Variants in MED27 observed in about 807,000 individuals in gnomAD.
The protein encoded by MED27 is mediator complex subunit 27.
In MED27, 30 loss-of-function variants were observed where a neutral mutation model predicts 38.2. The ratio of observed to expected loss-of-function variants is 0.79; its 90% CI spans 0.59 to 1.07. The LOEUF (loss-of-function observed/expected upper bound fraction) is 1.07. MED27 is among the 50% of genes least tolerant of loss of function. MED27 has a pLI of 0.00. For missense variants in MED27, 289 were observed against 397.5 expected (o/e 0.73, Z 2.32); for synonymous variants, 122 against 153.5 (o/e 0.79, Z 1.52).
chr9:132,036,994 G>A (rs2131112252), intron 2 of MED27, among the ~76,000 whole-genome samples: 1 of 152,262 alleles, frequency 6.6e-6, no homozygotes, highest in Non-Finnish European at 1.5e-5. Context: ...GCAACGGAGA[G>A]AAAGACAGAC....
chr9:131,886,437 C>G (rs983385358), intron 5 of MED27, among the ~76,000 whole-genome samples: 2 of 152,126 alleles, frequency 1.3e-5, no homozygotes, highest in African/African-American at 4.8e-5. Context: ...CTCCCTACCC[C>G]CACTGCCTGC....
At chr9:131,959,828 T>G (rs1831177851) in intron 3 of MED27, among the ~76,000 whole-genome samples, 1 of 152,126 alleles carries the variant, frequency 6.6e-6, no homozygotes, top group South Asian at 2.1e-4. Context: ...GCAGAACAAT[T>G]CCAAGTACCA....
chr9:132,050,651 G>C (rs75950974), intron 2 of MED27, among the ~76,000 whole-genome samples: 4,288 of 152,266 alleles, frequency 0.028, 209 homozygotes, highest in African/African-American at 0.098. Flanking sequence ...AGACTCCAAG[G>C]CTGGACTTGC....
intron 2 of MED27, among the ~76,000 whole-genome samples, chr9:132,068,016 T>C (rs951063257): frequency 6.6e-6 from 1 of 152,172 alleles, no homozygotes; most frequent in Non-Finnish European, 1.5e-5. Flanking sequence ...CTCACTTTTG[T>C]GCATATTTGA....
At chr9:132,043,227 A>G (rs1280908615) in intron 2 of MED27, among the ~76,000 whole-genome samples, 1 of 152,094 alleles carries the variant, frequency 6.6e-6, no homozygotes, top group Non-Finnish European at 1.5e-5. Flanking sequence ...TAGAAGTCCA[A>G]GATTTGGGTG....
chr9:132,063,166 G>A (rs1413767519), intron 2 of MED27, among the ~76,000 whole-genome samples: 17 of 152,176 alleles, frequency 1.1e-4, no homozygotes, highest in Admixed American at 5.9e-4. Context: ...TCCAGAGCAC[G>A]CCAGGCTGCA....
intron 3 of MED27, among the ~76,000 whole-genome samples, chr9:131,986,398 G>T (rs1831850870): frequency 6.6e-6 from 1 of 152,146 alleles, no homozygotes; most frequent in South Asian, 2.1e-4. Context: ...GCCCAGGCTG[G>T]TTTTGAATTC....
chr9:131,923,516 A>T (rs1186797212), intron 4 of MED27, among the ~76,000 whole-genome samples: 1 of 152,190 alleles, frequency 6.6e-6, no homozygotes, highest in Non-Finnish European at 1.5e-5. Flanking sequence ...TCCCTCTCCT[A>T]TCCCCTAAGG....
chr9:132,018,924 A>G (rs1258440805), intron 2 of MED27, among the ~76,000 whole-genome samples: 2 of 151,814 alleles, frequency 1.3e-5, no homozygotes, highest in Admixed American at 6.6e-5. Flanking sequence ...TTTTTTTTAA[A>G]TCACTTTGCA....
chr9:131,920,792 G>T (rs940812615), intron 4 of MED27, among the ~76,000 whole-genome samples: 17 of 152,208 alleles, frequency 1.1e-4, no homozygotes, highest in African/African-American at 3.9e-4. Flanking sequence ...TGGGGGAGAG[G>T]GGGTGGAGTC....
intron 3 of MED27, among the ~76,000 whole-genome samples, chr9:131,987,876 T>C (rs1217033731): frequency 6.6e-6 from 1 of 152,228 alleles, no homozygotes; most frequent in African/African-American, 2.4e-5. Flanking sequence ...TGGCCCCCGG[T>C]TCCTCTCTTA....
At chr9:131,920,806 G>T (rs1011426182) in intron 4 of MED27, among the ~76,000 whole-genome samples, 1 of 152,084 alleles carries the variant, frequency 6.6e-6, no homozygotes, top group Non-Finnish European at 1.5e-5. Flanking sequence ...TGGAGTCAGG[G>T]CAGATGATGG....
intron 4 of MED27, among the ~76,000 whole-genome samples, chr9:131,915,724 CTGA>C (rs1054969533): frequency 3.9e-5 from 6 of 152,204 alleles, no homozygotes; most frequent in African/African-American, 1.4e-4. Flanking sequence ...GCAATGCTAT[CTGA>C]ATTAAATAGG....
chr9:131,979,259 TC>T (rs1181310949), intron 3 of MED27, among the ~76,000 whole-genome samples: 2 of 152,126 alleles, frequency 1.3e-5, no homozygotes, highest in African/African-American at 4.8e-5. Context: ...AACACCTCCC[TC>T]TTTGCCTCAC....
chr9:131,973,924 G>A lies in MED27; in HGVS notation c.480-34450C>T, dbSNP rs551655097. ...AATAGAGACGGGTTTCACCATAGCCGGGATGGTCTTGATCTCCTGACCTAG... is the reference window on the plus strand; with the variant it reads ...AATAGAGACGGGTTTCACCATAGCCAGGATGGTCTTGATCTCCTGACCTAG... On this transcript the variant is annotated intron_variant, in intron 3 of 7. Transcript: ENST00000292035. Among the ~76,000 whole-genome samples the A allele has an allele frequency of 2.0e-3, 301 of 151,438 alleles. 1 individual carries two copies. Among genetic ancestry groups the A allele is most frequent in the Non-Finnish European group, 2.8e-3 (188 of 67,920 alleles).
At position 132,046,207 on chromosome 9, in the gene MED27, C is replaced by T. The variant is rs1370880857; in HGVS notation, c.348+31235G>A. 2.6e-5 allele frequency among the ~76,000 whole-genome samples: 4 copies of T among 152,300 alleles called. No individual in the cohort carries two copies. The South Asian group carries it at 8.3e-4, about 32-fold the overall frequency. On this transcript the variant is annotated intron_variant, in intron 2 of 7. Transcript: ENST00000292035. The stretch of plus-strand genomic sequence containing the variant: ...AAATATACAGGCAAAAGTTCAACCA[C>T]ACTACTAATTAAGAAAATAAACTAG...
intron 3 of MED27, among the ~76,000 whole-genome samples, chr9:131,944,275 C>G (rs936919249): frequency 2.0e-5 from 3 of 152,162 alleles, no homozygotes; most frequent in Admixed American, 6.5e-5. Flanking sequence ...CAACAATTTA[C>G]GGCTTGAACA....
rs538392086 is a variant in MED27, at chr9:132,078,278, T to C, written c.204-692A>G. On this transcript the variant is annotated intron_variant, in intron 1 of 7. Transcript: ENST00000292035. ...CTAGGAACAGCTTCTTATGCCACAT[T>C]CATTTTGGAATCATCAGCCACCTTC... 4.6e-5 allele frequency among the ~76,000 whole-genome samples: 7 copies of C among 152,094 alleles called. No individual in the cohort carries two copies. In the South Asian group the frequency reaches 1.5e-3, roughly 32 times the overall value.
intron 3 of MED27, among the ~76,000 whole-genome samples, chr9:131,973,468 T>C (rs545597282): frequency 3.4e-5 from 5 of 148,642 alleles, no homozygotes; most frequent in African/African-American, 1.2e-4. Flanking sequence ...TTTTTTTTTT[T>C]TTTTTTTTGA....
Sources: gnomAD v4.1 joint callset for allele counts (sites outside exome capture counted in the v4.1 genomes callset) on GRCh38, gnomAD v4.1.1 for gene constraint, MANE v1.5 for transcripts, NCBI Gene and HGNC (gene_info 2026-07-23, HGNC 2026-07-21) for gene names.